Variants in TFAM observed in about 807,000 individuals in gnomAD.
TFAM encodes the protein mitochondrial transcription factor 1.
In TFAM, 13 loss-of-function variants were observed where a neutral mutation model predicts 30.6. That is an observed-to-expected ratio of 0.42 (90% CI 0.28 to 0.67). TFAM has a LOEUF of 0.67. Ranked by LOEUF, TFAM falls within the 30% of genes least tolerant of loss-of-function variation. The probability of loss-of-function intolerance (pLI) is 0.21; values close to 1 mark genes in which losing one functional copy is unlikely to be tolerated. For missense variants in TFAM, 231 were observed against 293.7 expected (o/e 0.79, Z 1.56); for synonymous variants, 106 against 94.8 (o/e 1.12, Z -0.69).
At chr10:58,389,058 G>A (rs1004487637) in intron 4 of TFAM, among the ~76,000 whole-genome samples, 1 of 152,188 alleles carries the variant, frequency 6.6e-6, no homozygotes, top group Admixed American at 6.5e-5. Flanking sequence ...CACATTTAAG[G>A]TGTACAGTTC....
chr10:58,386,403 C>A, intron 2 of TFAM, 65 bp downstream of exon 2: 1 of 1,157,876 alleles, frequency 8.6e-7, no homozygotes, highest in African/African-American at 1.5e-5. Flanking sequence ...CAGTTAAATA[C>A]CAATGTTGAA....
intron 6 of TFAM, 165 bp downstream of exon 6, chr10:58,394,579 G>T (rs755106016): frequency 9.0e-6 from 7 of 777,154 alleles, no homozygotes; most frequent in Non-Finnish European, 1.6e-5. Context: ...TTTTCTCTTG[G>T]TAGTTTTTGT....
At chr10:58,392,327 T>A (rs1279405115) in intron 5 of TFAM, among the ~76,000 whole-genome samples, 3 of 152,196 alleles carry the variant, frequency 2.0e-5, no homozygotes, top group Admixed American at 1.3e-4. Context: ...TTCTACCTTA[T>A]TGTACTGCTT....
rs2132367612 is a variant in TFAM at position 58,398,553 on chromosome 10, C to T, written c.*3479C>T. On this transcript the variant is annotated 3_prime_UTR_variant, in exon 7 of 7. Transcript: ENST00000487519. ...TTTTGGAAATGTCTTTTTTTTTGTA[C>T]AAGGCATGTGTTAGTTTTTACTAAT... 6.6e-6 allele frequency: 1 copy of T among 151,486 alleles called. No individual in the cohort carries two copies. Among genetic ancestry groups the T allele is most frequent in the African/African-American group, 2.4e-5 (1 of 41,310 alleles). The allele number at this position is 151,486 out of a possible 1,614,324, so 9.4% of individuals were successfully genotyped here.
chr10:58,396,714 T>C lies in TFAM; in HGVS notation c.*1640T>C, dbSNP rs1204480775. 2 of 152,232 alleles carry C rather than the reference T, an allele frequency of 1.3e-5. No individual in the cohort carries two copies. The highest frequency in any genetic ancestry group is 2.9e-5 in the Non-Finnish European group (2 of 68,048). 9.4% of individuals were successfully genotyped at this position (152,232 alleles called of 1,614,324 possible). On this transcript the variant is annotated 3_prime_UTR_variant, in exon 7 of 7. Transcript: ENST00000487519. ...CAATTTATATGCACTTTATGCGTTA[T>C]GCAAAATATTTAGAAATTGTAGATT...
intron 2 of TFAM, among the ~76,000 whole-genome samples, chr10:58,387,458 G>C (rs1228951333): frequency 1.3e-5 from 2 of 152,184 alleles, no homozygotes; most frequent in African/African-American, 4.8e-5. Flanking sequence ...ATTTCGAATA[G>C]CTTGTTTCCA....
chr10:58,387,012 C>A (rs960377116), intron 2 of TFAM, among the ~76,000 whole-genome samples: 15 of 152,090 alleles, frequency 9.9e-5, no homozygotes, highest in African/African-American at 3.6e-4. Flanking sequence ...ACCTGTAATC[C>A]CAGCACTTCG....
rs1241029106 is a variant in TFAM, at chr10:58,396,779, A to T, written c.*1705A>T. The T allele has an allele frequency of 6.6e-6, 1 of 152,248 alleles. No homozygotes were observed. Among genetic ancestry groups the T allele is most frequent in the Non-Finnish European group, 1.5e-5 (1 of 68,052 alleles). The allele number at this position is 152,248 out of a possible 1,614,324, so 9.4% of individuals were successfully genotyped here. A position where few individuals can be genotyped will look rare whatever the true frequency, so the allele number is the denominator to read the frequency against. ...AGACTTTGAAGACTTTGATGTCACA[A>T]AAAGATGACTTGTTATATGCTGAGC... On this transcript the variant is annotated 3_prime_UTR_variant, in exon 7 of 7. Transcript: ENST00000487519.
intron 4 of TFAM, among the ~76,000 whole-genome samples, chr10:58,390,099 T>C (rs1840563603): frequency 2.0e-5 from 3 of 152,240 alleles, no homozygotes; most frequent in African/African-American, 4.8e-5. Context: ...TGAATAAAAG[T>C]TGAATTTGTT....
Position 58,399,106 on chromosome 10 carries a change from AACAT to A in TFAM, c.*4036_*4039del, listed in dbSNP as rs1304006712. 1.3e-5 allele frequency: 2 copies of A among 152,244 alleles called. No individual in the cohort carries two copies. Among genetic ancestry groups the A allele is most frequent in the African/African-American group, 2.4e-5 (1 of 41,470 alleles). The allele number at this position is 152,244 out of a possible 1,614,324, so 9.4% of individuals were successfully genotyped here. ...ACTATATTCGATATGAAATATATAA[AACAT>A]ACAACCATTATCTAATACATTTCAG... On this transcript the variant is annotated 3_prime_UTR_variant, in exon 7 of 7. Transcript: ENST00000487519.
chr10:58,386,260 A>C lies in TFAM; in HGVS notation c.142A>C (p.Ser48Arg). 1 of 1,613,856 alleles carries C rather than the reference A, an allele frequency of 6.2e-7. No individual in the cohort carries two copies. The highest frequency in any genetic ancestry group is 1.1e-5 in the South Asian group (1 of 91,056). ...GAGGTGGTTTTCATCTGTCTTGGCA[A>C]GTTGTCCAAAGAAACCTGTAAGTTC... is the stretch of plus-strand genomic sequence containing the variant. ...LPRWFSSVLA[S>R]CPKKPVSSYL... Residue 48 changes from serine (S) to arginine (R), a missense_variant, in exon 2 of 7, where the codon AGT becomes CGT. Transcript: ENST00000487519.
In TFAM at chr10:58,398,346, A is replaced by G. The variant is rs549525802; in HGVS notation, c.*3272A>G. On this transcript the variant is annotated 3_prime_UTR_variant, in exon 7 of 7. Coordinates refer to ENST00000487519, the MANE Select transcript of TFAM (RefSeq NM_003201.3). Reference sequence around the variant, plus strand: ...AGGGTGTATACTGTCATGAATAGGCATACAGTAGTTTTTATACTTTTGTTC... The same window carrying G: ...AGGGTGTATACTGTCATGAATAGGCGTACAGTAGTTTTTATACTTTTGTTC... 1.3e-5 allele frequency: 2 copies of G among 152,242 alleles called. No individual in the cohort carries two copies. Among genetic ancestry groups the G allele is most frequent in the South Asian group, 4.1e-4 (2 of 4,834 alleles). The allele number at this position is 152,242 out of a possible 1,614,324, so 9.4% of individuals were successfully genotyped here.
chr10:58,394,158 G>A (rs775961004), intron 5 of TFAM, among the ~76,000 whole-genome samples, 200 bp from the exon 6 acceptor site: 22 of 152,078 alleles, frequency 1.4e-4, no homozygotes, highest in African/African-American at 4.3e-4. Flanking sequence ...TAATATTTCC[G>A]AATCAAAAAT....
At position 58,388,705 on chromosome 10, in the gene TFAM, A is replaced by T; in HGVS notation, c.327A>T (p.Val109=). ...ATGCTTATAGGGCGGAGTGGCAGGT[A>T]TATAAAGAAGAGATAAGCAGATTTA... ...YQDAYRAEWQ[V]YKEEISRFKE... Residue 109 remains valine (V), a synonymous_variant, in exon 4 of 7, where the codon GTA becomes GTT. Transcript: ENST00000487519. The T allele has an allele frequency of 6.2e-7, 1 of 1,613,852 alleles. No homozygotes were observed. Among genetic ancestry groups the T allele is most frequent in the Non-Finnish European group, 8.5e-7 (1 of 1,179,924 alleles).
In TFAM at chr10:58,395,825, AATT is replaced by A. The variant is rs1246774859; in HGVS notation, c.*755_*757del. The A allele has an allele frequency of 7.7e-6, 2 of 259,126 alleles. No homozygotes were observed. The highest frequency in any genetic ancestry group is 1.4e-5 in the Non-Finnish European group (2 of 139,608). 16.1% of individuals were successfully genotyped at this position (259,126 alleles called of 1,614,324 possible). ...AAGTAAGGAATTTTATTTTTTTCTGAATTATTTTCTCTCGTGAGTATATTGATC... is the reference window on the plus strand; with the variant it reads ...AAGTAAGGAATTTTATTTTTTTCTGAATTTTCTCTCGTGAGTATATTGATC... On this transcript the variant is annotated 3_prime_UTR_variant, in exon 7 of 7. Coordinates refer to ENST00000487519, the MANE Select transcript of TFAM (RefSeq NM_003201.3).
At position 58,390,010 on chromosome 10, in the gene TFAM, G is replaced by A. The variant is rs1388701332; in HGVS notation, c.442-755G>A. ...ATAGTTAAGTTGTAAAGTGCTTGGA[G>A]TCTATAGTAGTTTCAATACTCAGTG... is the stretch of plus-strand genomic sequence containing the variant. On this transcript the variant is annotated intron_variant, in intron 4 of 6. Transcript: ENST00000487519. Among the ~76,000 whole-genome samples the A allele has an allele frequency of 5.9e-5, 9 of 152,172 alleles. No individual in the cohort carries two copies. The East Asian group carries it at 1.7e-3, about 29-fold the overall frequency.
Position 58,388,746 on chromosome 10 carries a change from C to T in TFAM, c.368C>T (p.Pro123Leu). Reference sequence around the variant, plus strand: ...AGCAGATTTAAAGAACAGCTAACTCCAAGTCAGATTATGTCTTTGGAAAAA... The same window carrying T: ...AGCAGATTTAAAGAACAGCTAACTCTAAGTCAGATTATGTCTTTGGAAAAA... ...EISRFKEQLT[P>L]SQIMSLEKEI... The change falls in exon 4 of 7, where the codon CCA (proline) becomes CTA (leucine). Residue 123 changes from proline (P) to leucine (L), a missense_variant. Coordinates refer to ENST00000487519, the MANE Select transcript of TFAM (RefSeq NM_003201.3). 1 of 1,613,048 alleles carries T rather than the reference C, an allele frequency of 6.2e-7. No individual in the cohort carries two copies. The highest frequency in any genetic ancestry group is 8.5e-7 in the Non-Finnish European group (1 of 1,179,524).
In TFAM at chr10:58,388,206, A is replaced by G. The variant is rs199861252; in HGVS notation, c.237A>G (p.Glu79=). 2 of 1,613,966 alleles carry G rather than the reference A, an allele frequency of 1.2e-6. No homozygotes were observed. The highest frequency in any genetic ancestry group is 1.7e-6 in the Non-Finnish European group (2 of 1,179,932). ...KAQNPDAKTT[E]LIRRIAQRWR... The stretch of plus-strand genomic sequence containing the variant: ...ATTCCATAGATGCAAAAACTACAGA[A>G]CTAATTAGAAGAATTGCCCAGCGTT... Residue 79 remains glutamate (E), a synonymous_variant, in exon 3 of 7, where the codon GAA becomes GAG. Coordinates refer to ENST00000487519, the MANE Select transcript of TFAM (RefSeq NM_003201.3).
rs74146630 is a variant in TFAM, at chr10:58,389,264, T to C, written c.441+445T>C. Among the ~76,000 whole-genome samples, 1,127 of 151,850 alleles carry C rather than the reference T, an allele frequency of 7.4e-3. 16 individuals are homozygous for C. Among genetic ancestry groups the C allele is most frequent in the African/African-American group, 0.026 (1,064 of 41,126 alleles). ...AACACATCGGAAAAATGCCAATTTA[T>C]CTAATCAATTAAGTGCCTTTAGGAT... On this transcript the variant is annotated intron_variant, in intron 4 of 6. Coordinates refer to ENST00000487519, the MANE Select transcript of TFAM (RefSeq NM_003201.3).
Sources: allele counts gnomAD v4.1 joint callset (sites outside exome capture counted in the v4.1 genomes callset), GRCh38; gene constraint gnomAD v4.1.1; transcripts MANE v1.5; gene names NCBI Gene and HGNC (gene_info 2026-07-23, HGNC 2026-07-21).